Variants in MAPRE2 observed in about 807,000 individuals in gnomAD.
The protein encoded by MAPRE2 is microtubule-associated protein RP/EB family member 2.
A neutral mutation model predicts 43.2 loss-of-function variants in MAPRE2; 13 were observed. That is an observed-to-expected ratio of 0.30 (90% CI 0.20 to 0.48). The LOEUF is 0.48. Ranked by LOEUF, MAPRE2 falls within the 20% of genes least tolerant of loss-of-function variation. The pLI, the probability that MAPRE2 is intolerant of heterozygous loss-of-function variation, is 0.99. For synonymous variants in MAPRE2, 135 were observed against 148.8 expected (o/e 0.91, Z 0.68); for missense variants, 161 against 400.2 (o/e 0.40, Z 5.10).
intron 2 of MAPRE2, among the ~76,000 whole-genome samples, chr18:35,005,977 G>A (rs573202525): frequency 1.3e-5 from 2 of 152,192 alleles, no homozygotes; most frequent in East Asian, 3.8e-4. Context: ...GAGCGTGCGA[G>A]CGTGCGAGCA....
intron 4 of MAPRE2, among the ~76,000 whole-genome samples, chr18:35,104,608 T>A (rs1908821947): frequency 6.6e-6 from 1 of 152,082 alleles, no homozygotes. Context: ...AGATAAAGTG[T>A]TAGAAAGGAA....
rs190257829 is a variant in MAPRE2 at position 35,051,606 on chromosome 18, A to C, written c.122+9945A>C. On this transcript the variant is annotated intron_variant, in intron 1 of 6. Transcript: ENST00000300249. ...TCCCCTACCTCCTTTCCTAACCTCC[A>C]GGAGGACCAGTTGGGGTCCTCAAAG... 4.5e-4 allele frequency among the ~76,000 whole-genome samples: 69 copies of C among 152,332 alleles called. 1 individual carries two copies. The highest frequency in any genetic ancestry group is 6.8e-3 in the Middle Eastern group (2 of 294).
intron 1 of MAPRE2, among the ~76,000 whole-genome samples, chr18:34,992,959 G>T (rs1244196894): frequency 6.6e-6 from 1 of 152,170 alleles, no homozygotes; most frequent in Non-Finnish European, 1.5e-5. Context: ...TATCCCATTA[G>T]CGATAAGGGA....
Position 35,041,461 on chromosome 18 carries a change from G to A in MAPRE2, c.-79G>A. 6.2e-7 allele frequency: 1 copy of A among 1,609,534 alleles called. No individual in the cohort carries two copies. The highest frequency in any genetic ancestry group is 8.5e-7 in the Non-Finnish European group (1 of 1,178,170). ...GGCAGGCACGGTCCGTGCGGAGCAG[G>A]CGAGCGAGCGGGAAGACGCAGCCAC... On this transcript the variant is annotated 5_prime_UTR_variant, in exon 1 of 7. Coordinates refer to ENST00000300249, the MANE Select transcript of MAPRE2 (RefSeq NM_014268.4).
At chr18:35,116,016 T>C (rs958667923) in intron 4 of MAPRE2, among the ~76,000 whole-genome samples, 1 of 152,298 alleles carries the variant, frequency 6.6e-6, no homozygotes, top group East Asian at 1.9e-4. Context: ...TGGAGATACA[T>C]AGTGATTCTG....
At chr18:35,024,814 C>T (rs977698115) in intron 2 of MAPRE2, among the ~76,000 whole-genome samples, 5 of 152,128 alleles carry the variant, frequency 3.3e-5, no homozygotes, top group African/African-American at 9.7e-5. Context: ...TAGTGCTAAC[C>T]TCTGAGGGGA....
chr18:35,131,926 T>C, intron 5 of MAPRE2, 106 bp from the exon 6 acceptor site: 1 of 1,151,566 alleles, frequency 8.7e-7, no homozygotes, highest in Admixed American at 2.3e-5. Flanking sequence ...TGGTTATTTC[T>C]GCTTCTCTCT....
At chr18:34,977,587 C>T (rs1337242587) in intron 1 of MAPRE2, among the ~76,000 whole-genome samples, 1 of 152,162 alleles carries the variant, frequency 6.6e-6, no homozygotes, top group Non-Finnish European at 1.5e-5. Context: ...AGCGCGCTGG[C>T]GCTCGCGCGC....
At chr18:35,090,213 AG>A (rs1908078664) in intron 2 of MAPRE2, among the ~76,000 whole-genome samples, 7 of 152,186 alleles carry the variant, frequency 4.6e-5, no homozygotes, top group Admixed American at 4.6e-4. Context: ...GGAATTAAAT[AG>A]TGGCAATGGA....
rs574332599 is a variant in MAPRE2, at chr18:35,110,807, A to G, written c.610+8648A>G. ...ATTCCACTGCATGTGGCCTCCAAAG[A>G]TAAGAAGTGCATACTCATTCTACCC... On this transcript the variant is annotated intron_variant, in intron 4 of 6. Coordinates refer to ENST00000300249, the MANE Select transcript of MAPRE2 (RefSeq NM_014268.4). Among the ~76,000 whole-genome samples the G allele has an allele frequency of 2.6e-5, 4 of 152,274 alleles. No homozygotes were observed. In the South Asian group the frequency reaches 6.2e-4, roughly 24 times the overall value.
At chr18:35,052,826 C>A (rs592474) in intron 1 of MAPRE2, among the ~76,000 whole-genome samples, 74,585 of 151,968 alleles carry the variant, frequency 0.49, 18,768 homozygotes, top group Middle Eastern at 0.57. Flanking sequence ...GGTATGTTTT[C>A]ATGTGCATAT....
intron 1 of MAPRE2, among the ~76,000 whole-genome samples, chr18:35,054,943 A>G (rs1360934304): frequency 6.6e-6 from 1 of 152,198 alleles, no homozygotes; most frequent in Non-Finnish European, 1.5e-5. Flanking sequence ...AAATGACCGA[A>G]GTCGAAGTTC....
At chr18:35,057,865 G>A (rs1293727612) in intron 1 of MAPRE2, among the ~76,000 whole-genome samples, 1 of 152,172 alleles carries the variant, frequency 6.6e-6, no homozygotes, top group Non-Finnish European at 1.5e-5. Context: ...AATGCTCCTA[G>A]TTTTGATAGT....
chr18:35,129,819 A>G (rs1445515526), intron 5 of MAPRE2, among the ~76,000 whole-genome samples: 1 of 152,242 alleles, frequency 6.6e-6, no homozygotes, highest in Non-Finnish European at 1.5e-5. Context: ...TTCTAAGATC[A>G]TCTACAGCAT....
chr18:35,019,535 A>T (rs977524105), intron 2 of MAPRE2, among the ~76,000 whole-genome samples: 2 of 151,954 alleles, frequency 1.3e-5, no homozygotes, highest in African/African-American at 2.4e-5. Context: ...GGCTAGTTTT[A>T]TACAGTTGTA....
intron 1 of MAPRE2, among the ~76,000 whole-genome samples, chr18:35,045,753 C>T (rs940303297): frequency 1.3e-5 from 2 of 152,130 alleles, no homozygotes; most frequent in Admixed American, 1.3e-4. Flanking sequence ...CAAAAGTCTA[C>T]GTTCATGTCT....
At chr18:35,054,415 G>A (rs1365746538) in intron 1 of MAPRE2, among the ~76,000 whole-genome samples, 4 of 152,176 alleles carry the variant, frequency 2.6e-5, no homozygotes, top group Non-Finnish European at 4.4e-5. Context: ...TAGATTTCGT[G>A]GGTGCCACTT....
chr18:35,070,193 A>G lies in MAPRE2; in HGVS notation c.123-2A>G, dbSNP rs769595020. ...GTTAAATAAACTTTGTTTTTTTTCT[A>G]GTTGGGGAATGGCGGTCAATGTGTA... On this transcript the variant is annotated splice_acceptor_variant, in intron 1 of 6. Transcript: ENST00000300249. LOFTEE classifies it high-confidence loss of function. 1.3e-6 allele frequency: 2 copies of G among 1,574,170 alleles called. No homozygotes were observed. Among genetic ancestry groups the G allele is most frequent in the South Asian group, 1.2e-5 (1 of 83,594 alleles).
chr18:34,997,180 T>C (rs1190251751), intron 1 of MAPRE2, among the ~76,000 whole-genome samples: 6 of 152,222 alleles, frequency 3.9e-5, no homozygotes, highest in Non-Finnish European at 7.3e-5. Context: ...CAATAATGCC[T>C]GTTTGCTCCA....
Sources: gnomAD v4.1 joint callset for allele counts (sites outside exome capture counted in the v4.1 genomes callset) on GRCh38, gnomAD v4.1.1 for gene constraint, MANE v1.5 for transcripts, NCBI Gene and HGNC (gene_info 2026-07-23, HGNC 2026-07-21) for gene names.